The following CORO1C variants were observed in gnomAD, a reference collection of about 807,000 sequenced individuals.
CORO1C encodes coronin 1C.
In CORO1C, 14 loss-of-function variants were observed where a neutral mutation model predicts 51.2. The ratio of observed to expected loss-of-function variants is 0.27; its 90% CI spans 0.18 to 0.43. CORO1C has a LOEUF of 0.43. CORO1C is among the 20% of genes least tolerant of loss of function. CORO1C has a pLI of 1.00. For missense variants in CORO1C, 417 were observed against 607.8 expected (o/e 0.69, Z 3.30); for synonymous variants, 181 against 210.5 (o/e 0.86, Z 1.21).
At chr12:108,653,589 G>A (rs573675041) in intron 7 of CORO1C, among the ~76,000 whole-genome samples, 86 of 152,190 alleles carry the variant, frequency 5.7e-4, no homozygotes, top group African/African-American at 2.0e-3. Flanking sequence ...AAAAAAAAGG[G>A]AACTATAAGG....
At chr12:108,655,341 G>GTCCCC (rs2032894326) in intron 6 of CORO1C, among the ~76,000 whole-genome samples, 3 of 151,202 alleles carry the variant, frequency 2.0e-5, no homozygotes, top group Non-Finnish European at 4.4e-5. Context: ...AAAAAATATA[G>GTCCCC]TCCCCTCCCT....
At chr12:108,674,203 T>C (rs957929014) in intron 3 of CORO1C, among the ~76,000 whole-genome samples, 1 of 152,182 alleles carries the variant, frequency 6.6e-6, no homozygotes, top group Non-Finnish European at 1.5e-5. Flanking sequence ...ATTTAAGAAA[T>C]ACATTTCATA....
chr12:108,721,700 G>A (rs935506082), intron 1 of CORO1C, among the ~76,000 whole-genome samples: 5 of 152,112 alleles, frequency 3.3e-5, no homozygotes, highest in Non-Finnish European at 7.4e-5. Context: ...GAATGGAGAG[G>A]TCAATAATTT....
chr12:108,660,885 G>A (rs972675703), intron 4 of CORO1C, among the ~76,000 whole-genome samples: 1 of 152,104 alleles, frequency 6.6e-6, no homozygotes, highest in African/African-American at 2.4e-5. Flanking sequence ...AGTTTCAATA[G>A]TTACTTGGCA....
rs2032710717 is a variant in CORO1C at position 108,652,278 on chromosome 12, A to C, written c.995T>G (p.Ile332Ser). Residue 332 changes from isoleucine (I) to serine (S), a missense_variant, in exon 8 of 11, where the codon ATT (isoleucine) becomes AGT (serine). Transcript: ENST00000261401. ...GACAATCTCGATTCTTTACCTGGCAATCTCACATTTGTTAACATCAAGTCC... is the reference window on the plus strand; with the variant it reads ...GACAATCTCGATTCTTTACCTGGCACTCTCACATTTGTTAACATCAAGTCC... ...KRGLDVNKCE[I>S]ARFFKLHERK... 2 of 1,613,032 alleles carry C rather than the reference A, an allele frequency of 1.2e-6. No individual in the cohort carries two copies.
intron 2 of CORO1C, among the ~76,000 whole-genome samples, chr12:108,681,789 T>G (rs191179245): frequency 2.6e-5 from 4 of 152,068 alleles, no homozygotes; most frequent in African/African-American, 9.6e-5. Flanking sequence ...GAAAGTAAAG[T>G]AGAAAGGTAT....
chr12:108,700,502 T>TG (rs1054338857), intron 2 of CORO1C, among the ~76,000 whole-genome samples: 6 of 152,126 alleles, frequency 3.9e-5, no homozygotes, highest in Non-Finnish European at 8.8e-5. Context: ...CTACTGAAGT[T>TG]GAAGAAAACA....
chr12:108,713,250 A>G (rs2035233395), intron 1 of CORO1C, among the ~76,000 whole-genome samples: 3 of 152,384 alleles, frequency 2.0e-5, no homozygotes, highest in Non-Finnish European at 2.9e-5. Flanking sequence ...CACTGCTGAT[A>G]TGGACTTGTT....
At chr12:108,698,529 C>T (rs2034763969) in intron 2 of CORO1C, among the ~76,000 whole-genome samples, 2 of 152,250 alleles carry the variant, frequency 1.3e-5, no homozygotes, top group African/African-American at 4.8e-5. Flanking sequence ...GCCTCAGCCT[C>T]CTGAGTAGCT....
At chr12:108,713,806 T>G (rs1470219992) in intron 1 of CORO1C, among the ~76,000 whole-genome samples, 1 of 152,232 alleles carries the variant, frequency 6.6e-6, no homozygotes, top group East Asian at 1.9e-4. Flanking sequence ...CAATTCAGTT[T>G]CTCCACATCA....
chr12:108,663,700 G>C (rs1054894828), intron 3 of CORO1C, among the ~76,000 whole-genome samples: 2 of 152,178 alleles, frequency 1.3e-5, no homozygotes, highest in Admixed American at 1.3e-4. Flanking sequence ...GGCAGGTGGA[G>C]GGGTGATAGC....
intron 1 of CORO1C, among the ~76,000 whole-genome samples, chr12:108,707,931 A>T (rs552425831): frequency 6.6e-6 from 1 of 152,240 alleles, no homozygotes; most frequent in Non-Finnish European, 1.5e-5. Flanking sequence ...ACAATGAGAG[A>T]CTATTCCATA....
chr12:108,712,516 G>C (rs1196568195), intron 1 of CORO1C, among the ~76,000 whole-genome samples: 1 of 140,024 alleles, frequency 7.1e-6, no homozygotes, highest in Non-Finnish European at 1.5e-5. Flanking sequence ...GGAGGTTGCA[G>C]TGAGCCAGGA....
At chr12:108,688,141 C>T (rs879529647) in intron 2 of CORO1C, among the ~76,000 whole-genome samples, 1 of 152,052 alleles carries the variant, frequency 6.6e-6, no homozygotes, top group East Asian at 1.9e-4. Context: ...AAACTCCTGA[C>T]CTCAGGTGAT....
At chr12:108,650,246 T>C (rs563209619) in intron 8 of CORO1C, among the ~76,000 whole-genome samples, 2 of 133,906 alleles carry the variant, frequency 1.5e-5, no homozygotes, top group Non-Finnish European at 3.1e-5. Context: ...TGGAGTGCAG[T>C]GGCACAAGCT....
At chr12:108,678,220 G>T in intron 3 of CORO1C, 52 bp downstream of exon 3, 1 of 1,556,732 alleles carries the variant, frequency 6.4e-7, no homozygotes, top group Non-Finnish European at 8.7e-7. Flanking sequence ...GCTTTTGAAA[G>T]CAGTAGGTGA....
chr12:108,647,779 G>T (rs1239609593), intron 10 of CORO1C, among the ~76,000 whole-genome samples: 1 of 152,190 alleles, frequency 6.6e-6, no homozygotes, highest in Non-Finnish European at 1.5e-5. Context: ...CCCGAAGCCT[G>T]TGCATTTACT....
Position 108,646,094 on chromosome 12 carries a change from G to A in CORO1C, c.*1309C>T, listed in dbSNP as rs1592833546. The A allele has an allele frequency of 1.3e-5, 2 of 152,184 alleles. No homozygotes were observed. The highest frequency in any genetic ancestry group is 2.1e-4 in the South Asian group (1 of 4,828). 9.4% of individuals were successfully genotyped at this position (152,184 alleles called of 1,614,324 possible). ...CATTAAAGCTACAGCAGAGGTCTGTGCTCCTGTTTCTGCTTCACTCTCTAT... is the reference window on the plus strand; with the variant it reads ...CATTAAAGCTACAGCAGAGGTCTGTACTCCTGTTTCTGCTTCACTCTCTAT... On this transcript the variant is annotated 3_prime_UTR_variant, in exon 11 of 11. Coordinates refer to ENST00000261401, the MANE Select transcript of CORO1C (RefSeq NM_014325.4).
At chr12:108,695,393 G>A (rs987087457) in intron 2 of CORO1C, among the ~76,000 whole-genome samples, 1 of 152,156 alleles carries the variant, frequency 6.6e-6, no homozygotes, top group African/African-American at 2.4e-5. Flanking sequence ...TGGAGAACCT[G>A]CACAAAAGGC....
Sources: allele counts gnomAD v4.1 joint callset (sites outside exome capture counted in the v4.1 genomes callset), GRCh38; gene constraint gnomAD v4.1.1; transcripts MANE v1.5; gene names NCBI Gene and HGNC (gene_info 2026-07-23, HGNC 2026-07-21).